DRC9: variants seen among roughly 807,000 people sequenced by gnomAD.
DRC9 encodes dynein regulatory complex subunit 9.
At chr3:197,952,122 C>T in the DRC9 span, among the ~76,000 whole-genome samples, 5 of 137,984 alleles carry the variant, frequency 3.6e-5, no homozygotes, top group Non-Finnish European at 6.3e-5. Context: ...TTTTAGAACA[C>T]TTGTGCTTAA....
At chr3:197,900,723 T>C in the DRC9 span, among the ~76,000 whole-genome samples, 4 of 145,398 alleles carry the variant, frequency 2.8e-5, no homozygotes, top group Non-Finnish European at 6.1e-5. This position sits in a 1 kb window ranked among gnomAD's most constrained non-coding sequence, Gnocchi z 4.7. Context: ...CGCAGTAGAA[T>C]AGGGCACTGG....
At chr3:197,897,358 T>C in the DRC9 span, among the ~76,000 whole-genome samples, 1 of 152,194 alleles carries the variant, frequency 6.6e-6, no homozygotes, top group African/African-American at 2.4e-5. Context: ...TATTTTATAC[T>C]AATAAAAGAC....
At chr3:197,951,784 T>TGCCTCC in the DRC9 span, 1 of 173,950 alleles carries the variant, frequency 5.7e-6, no homozygotes, top group Non-Finnish European at 1.2e-5. Context: ...CTGCAGCCTC[T>TGCCTCC]GCCTCCTGGC....
At chr3:197,936,400 T>C in the DRC9 span, among the ~76,000 whole-genome samples, 1 of 152,178 alleles carries the variant, frequency 6.6e-6, no homozygotes, top group Non-Finnish European at 1.5e-5. Flanking sequence ...GGGGCCTCAC[T>C]GTCACACACG....
At chr3:197,932,148 G>A in the DRC9 span, 2 of 1,603,032 alleles carry the variant, frequency 1.2e-6, no homozygotes. Context: ...ATACAGCAAA[G>A]CAAGTAAACC....
chr3:197,937,632 A>G, the DRC9 span, among the ~76,000 whole-genome samples: 1 of 151,978 alleles, frequency 6.6e-6, no homozygotes, highest in Admixed American at 6.6e-5. Flanking sequence ...GGTGTCCACC[A>G]CCACGCCTGG....
At chr3:197,958,923 C>G in the DRC9 span, 1 of 152,384 alleles carries the variant, frequency 6.6e-6, no homozygotes, top group African/African-American at 2.4e-5. Context: ...GCTTTGCCTC[C>G]TGGCTGGGCG....
chr3:197,939,403 C>A, the DRC9 span, among the ~76,000 whole-genome samples: 3 of 152,186 alleles, frequency 2.0e-5, no homozygotes, highest in Non-Finnish European at 4.4e-5. Flanking sequence ...TAATTTTTTT[C>A]AGAACCAAAC....
chr3:197,932,282 A>G, the DRC9 span: 1 of 1,611,566 alleles, frequency 6.2e-7, no homozygotes, highest in Non-Finnish European at 8.5e-7. Context: ...GGTATCTGCA[A>G]TCACATCGCT....
chr3:197,938,923 A>G, the DRC9 span: 2 of 646,758 alleles, frequency 3.1e-6, no homozygotes, highest in Non-Finnish European at 5.4e-6. Flanking sequence ...CTTCAGCCAC[A>G]CCAAACCACA....
At chr3:197,942,098 C>A in the DRC9 span, among the ~76,000 whole-genome samples, 3 of 152,102 alleles carry the variant, frequency 2.0e-5, no homozygotes, top group Non-Finnish European at 4.4e-5. Flanking sequence ...ATCTATGGGT[C>A]ATTTAGGTAA....
the DRC9 span, among the ~76,000 whole-genome samples, chr3:197,915,360 A>C: frequency 6.6e-6 from 1 of 152,196 alleles, no homozygotes; most frequent in African/African-American, 2.4e-5. Flanking sequence ...AGGGGAGGAC[A>C]GGATGAGGTT....
At chr3:197,941,124 GTCCT>G in the DRC9 span, among the ~76,000 whole-genome samples, 3,697 of 150,962 alleles carry the variant, frequency 0.024, 147 homozygotes, top group African/African-American at 0.084. Flanking sequence ...CCATTTGTTT[GTCCT>G]TCCTTCCTTC....
At chr3:197,917,117 A>G in the DRC9 span, among the ~76,000 whole-genome samples, 4 of 152,214 alleles carry the variant, frequency 2.6e-5, no homozygotes, top group Admixed American at 1.3e-4. Flanking sequence ...GGAGTTCAAG[A>G]GCAGCCTGGG....
the DRC9 span, chr3:197,913,788 T>C: frequency 7.7e-7 from 1 of 1,302,302 alleles, no homozygotes; most frequent in Non-Finnish European, 1.1e-6. Flanking sequence ...TGGAGGGAAA[T>C]CTTTGTCTCC....
chr3:197,910,361 C>G, the DRC9 span, among the ~76,000 whole-genome samples: 1 of 152,146 alleles, frequency 6.6e-6, no homozygotes, highest in African/African-American at 2.4e-5. Context: ...GGCTGAAGAT[C>G]TGGGAAACTC....
the DRC9 span, among the ~76,000 whole-genome samples, chr3:197,910,358 G>C: frequency 6.6e-6 from 1 of 152,158 alleles, no homozygotes; most frequent in Non-Finnish European, 1.5e-5. Context: ...TTGGGCTGAA[G>C]ATCTGGGAAA....
chr3:197,896,159 A>G, the DRC9 span, among the ~76,000 whole-genome samples: 483 of 152,048 alleles, frequency 3.2e-3, 3 homozygotes, highest in Admixed American at 3.6e-3. Context: ...CCTGACCAAC[A>G]TGGAGAAACC....
chr3:197,921,511 G>A, the DRC9 span, among the ~76,000 whole-genome samples: 5 of 143,496 alleles, frequency 3.5e-5, no homozygotes, highest in East Asian at 2.1e-4. Flanking sequence ...CTTCTTGGTC[G>A]ACCCGACTAC....
Sources: gnomAD v4.1 joint callset for allele counts (sites outside exome capture counted in the v4.1 genomes callset) on GRCh38, gnomAD v4.1.1 for gene constraint, Gnocchi (gnomAD v3.1) non-coding constraint, MANE v1.5 for transcripts, NCBI Gene and HGNC (gene_info 2026-07-23, HGNC 2026-07-21) for gene names.